Variants in FRMD5 observed in about 807,000 individuals in gnomAD.
FRMD5 encodes FERM domain containing 5.
Under a neutral mutation model 69.0 loss-of-function variants are expected in FRMD5, and 20 were observed. The observed-to-expected ratio is 0.29, with a 90% confidence interval of 0.20 to 0.42. FRMD5 has a LOEUF of 0.42. Among genes scored for constraint, FRMD5 ranks in the 10% least tolerant of loss-of-function variants. The pLI is 1.00. For missense variants in FRMD5, 595 were observed against 708.6 expected (o/e 0.84, Z 1.82); for synonymous variants, 271 against 260.1 (o/e 1.04, Z -0.40).
intron 1 of FRMD5, among the ~76,000 whole-genome samples, chr15:44,076,571 T>A (rs1379456640): frequency 6.9e-6 from 1 of 145,204 alleles, no homozygotes; most frequent in African/African-American, 2.6e-5. Context: ...GGAATTGAAC[T>A]ATGAGATCAC....
chr15:44,096,022 C>T (rs1448742849), intron 1 of FRMD5, among the ~76,000 whole-genome samples: 1 of 151,996 alleles, frequency 6.6e-6, no homozygotes, highest in Non-Finnish European at 1.5e-5. Context: ...GCTTGACCAA[C>T]ATGGAGAAAC....
At chr15:44,130,351 C>A (rs1673862121) in intron 1 of FRMD5, among the ~76,000 whole-genome samples, 2 of 152,172 alleles carry the variant, frequency 1.3e-5, no homozygotes, top group South Asian at 4.1e-4. Flanking sequence ...TCCCCAGGAC[C>A]CTGATGGCAT....
chr15:44,105,953 A>G (rs1453990279), intron 1 of FRMD5, among the ~76,000 whole-genome samples: 1 of 152,204 alleles, frequency 6.6e-6, no homozygotes, highest in Non-Finnish European at 1.5e-5. Context: ...TTTGCATATA[A>G]GCTAGCACGT....
chr15:43,951,996 G>C (rs2090041418), intron 1 of FRMD5, among the ~76,000 whole-genome samples: 1 of 102,050 alleles, frequency 9.8e-6, no homozygotes, highest in Non-Finnish European at 1.7e-5. Context: ...GTGTGTGTGT[G>C]TGTCTGTGTG....
chr15:43,906,720 G>C (rs2140411199), intron 5 of FRMD5, among the ~76,000 whole-genome samples: 1 of 149,014 alleles, frequency 6.7e-6, no homozygotes, highest in South Asian at 2.1e-4. Flanking sequence ...TCCTGCCTCA[G>C]CCTCCCGCGT....
At chr15:44,089,304 A>G (rs1294855080) in intron 1 of FRMD5, among the ~76,000 whole-genome samples, 1 of 152,180 alleles carries the variant, frequency 6.6e-6, no homozygotes, top group East Asian at 1.9e-4. Flanking sequence ...ACACCACATA[A>G]AACTATTAAC....
intron 5 of FRMD5, among the ~76,000 whole-genome samples, chr15:43,908,358 G>A (rs2089221194): frequency 1.3e-5 from 2 of 151,478 alleles, no homozygotes; most frequent in Non-Finnish European, 2.9e-5. Context: ...AATTCAAAGG[G>A]GCATCTTTGG....
intron 1 of FRMD5, among the ~76,000 whole-genome samples, chr15:43,931,377 G>GTC (rs1183128142): frequency 4.6e-5 from 7 of 151,250 alleles, no homozygotes; most frequent in Middle Eastern, 3.4e-3. Context: ...TCTATTCTCT[G>GTC]TCTCTCTCTC....
At chr15:43,886,675 G>A (rs2088671194) in intron 10 of FRMD5, among the ~76,000 whole-genome samples, 1 of 152,200 alleles carries the variant, frequency 6.6e-6, no homozygotes, top group South Asian at 2.1e-4. Context: ...AACAGTTCTT[G>A]GGAGACACCA....
At chr15:44,009,698 TG>T (rs1890624976) in intron 1 of FRMD5, among the ~76,000 whole-genome samples, 1 of 152,082 alleles carries the variant, frequency 6.6e-6, no homozygotes, top group Admixed American at 6.6e-5. Context: ...TCCACTTTTA[TG>T]GAGTTTTTTT....
chr15:44,195,048 T>C lies in FRMD5; in HGVS notation c.7A>G (p.Ser3Gly). 6.5e-7 allele frequency: 1 copy of C among 1,539,226 alleles called. No homozygotes were observed. Among genetic ancestry groups the C allele is most frequent in the Non-Finnish European group, 8.7e-7 (1 of 1,148,370 alleles). Residue 3 changes from serine to glycine, a missense_variant, in exon 1 of 14, where the codon AGC (serine) becomes GGC (glycine). Around this residue, in one of 5 missense-constraint regions of FRMD5, gnomAD observed 44 missense variants for 33.6 expected, o/e 1.31. Transcript: ENST00000417257. MLSRLMSGSSRSL... is the reference protein window; with the variant it reads MLGRLMSGSSRSL... ...CTGCTGCTGCCGCTCATCAACCTGC[T>C]CAGCATCTTCCCGCCCGCCCGCCCG... is the stretch of plus-strand genomic sequence containing the variant.
At position 43,974,918 on chromosome 15, in the gene FRMD5, A is replaced by G. The variant is rs1361823439; in HGVS notation, c.103-50609T>C. Among the ~76,000 whole-genome samples the G allele has an allele frequency of 4.6e-5, 7 of 152,348 alleles. No individual in the cohort carries two copies. In the East Asian group the frequency reaches 9.6e-4, roughly 21 times the overall value. On this transcript the variant is annotated intron_variant, in intron 1 of 13. Coordinates refer to ENST00000417257, the MANE Select transcript of FRMD5 (RefSeq NM_032892.5). ...ACTGGGGCTCTTGTGGCTTCTGACA[A>G]TCATCTCCCAGAGTTGTTGAGCAAT...
At chr15:44,138,343 T>A (rs746148406) in intron 1 of FRMD5, among the ~76,000 whole-genome samples, 1 of 152,054 alleles carries the variant, frequency 6.6e-6, no homozygotes, top group Non-Finnish European at 1.5e-5. Context: ...CCAATCAGGA[T>A]AAACATAAAT....
intron 1 of FRMD5, among the ~76,000 whole-genome samples, chr15:44,154,800 C>A (rs1439402775): frequency 2.0e-5 from 3 of 152,092 alleles, no homozygotes; most frequent in Non-Finnish European, 4.4e-5. Context: ...ATAGTGACAG[C>A]TAAGGGGTGC....
intron 1 of FRMD5, among the ~76,000 whole-genome samples, chr15:44,052,619 A>G (rs1221088342): frequency 6.6e-6 from 1 of 152,230 alleles, no homozygotes; most frequent in African/African-American, 2.4e-5. Context: ...ATTAGAGACC[A>G]GAAGTCCTTT....
intron 1 of FRMD5, among the ~76,000 whole-genome samples, chr15:43,993,713 A>G (rs777320904): frequency 6.6e-6 from 1 of 152,088 alleles, no homozygotes; most frequent in Non-Finnish European, 1.5e-5. Context: ...GTTGCGATCT[A>G]TCTCTCCCTT....
At chr15:44,038,866 A>G (rs1255443101) in intron 1 of FRMD5, among the ~76,000 whole-genome samples, 1 of 152,180 alleles carries the variant, frequency 6.6e-6, no homozygotes, top group Non-Finnish European at 1.5e-5. Flanking sequence ...CCGGCAGACC[A>G]TGAAATTCCC....
intron 1 of FRMD5, among the ~76,000 whole-genome samples, chr15:44,133,212 C>CA (rs576617043): frequency 0.12 from 16,424 of 137,552 alleles, 1,455 homozygotes; most frequent in African/African-American, 0.26. Flanking sequence ...GACTCCGTCT[C>CA]AAAAAAAAAA....
chr15:44,190,337 T>C (rs188815296), intron 1 of FRMD5, among the ~76,000 whole-genome samples: 80 of 152,284 alleles, frequency 5.3e-4, no homozygotes, highest in African/African-American at 1.8e-3. Flanking sequence ...TCTCCTCTTT[T>C]ATGGGGTACT....
Sources: allele counts gnomAD v4.1 joint callset (sites outside exome capture counted in the v4.1 genomes callset), GRCh38; gene constraint gnomAD v4.1.1; regional missense constraint gnomAD v4.1.1; transcripts MANE v1.5; gene names NCBI Gene and HGNC (gene_info 2026-07-23, HGNC 2026-07-21).